TMEM232: variants seen among roughly 807,000 people sequenced by gnomAD.
TMEM232 encodes transmembrane protein 232.
Under a neutral mutation model 78.8 loss-of-function variants are expected in TMEM232, and 80 were observed. That is an observed-to-expected ratio of 1.01 (90% CI 0.85 to 1.22). TMEM232 has a LOEUF of 1.22. Ranked by LOEUF, TMEM232 falls within the 50% of genes most tolerant of loss-of-function variation. The pLI, the probability that TMEM232 is intolerant of heterozygous loss-of-function variation, is 0.00. For missense variants in TMEM232, 881 were observed against 742.2 expected (o/e 1.19, Z -2.17); for synonymous variants, 297 against 254.3 (o/e 1.17, Z -1.60).
At chr5:110,394,897 C>A (rs1262519369) in intron 3 of TMEM232, among the ~76,000 whole-genome samples, 1 of 152,138 alleles carries the variant, frequency 6.6e-6, no homozygotes, top group Non-Finnish European at 1.5e-5. Context: ...TCTTGCTCCC[C>A]TTCAAGCAGT....
intron 12 of TMEM232, among the ~76,000 whole-genome samples, chr5:110,495,093 T>C (rs186375489): frequency 6.6e-6 from 1 of 151,368 alleles, no homozygotes; most frequent in Admixed American, 6.6e-5. Flanking sequence ...ACTTCATAAC[T>C]TCATTTTATG....
intron 12 of TMEM232, among the ~76,000 whole-genome samples, chr5:110,525,418 A>T (rs1054528161): frequency 4.6e-5 from 7 of 152,152 alleles, no homozygotes; most frequent in African/African-American, 1.7e-4. Context: ...ACCTAGGAGA[A>T]GCTACATTTG....
intron 12 of TMEM232, among the ~76,000 whole-genome samples, chr5:110,494,117 A>G (rs1288046938): frequency 6.6e-6 from 1 of 152,092 alleles, no homozygotes; most frequent in African/African-American, 2.4e-5. Flanking sequence ...ATGGCTGCAT[A>G]GTATTCCATG....
Position 110,724,436 on chromosome 5 carries a change from A to G in TMEM232, c.-13+2191T>C, listed in dbSNP as rs180885746. On this transcript the variant is annotated intron_variant, in intron 1 of 13. Coordinates refer to ENST00000455884, the MANE Select transcript of TMEM232 (RefSeq NM_001039763.4). ...TAAACTGTGTATAACTTAACCTGTT[A>G]TTTTCTCATTTCAGGTCCCTAAACA... Among the ~76,000 whole-genome samples the G allele has an allele frequency of 3.9e-5, 6 of 152,320 alleles. No homozygotes were observed. The East Asian group carries it at 1.2e-3, about 29-fold the overall frequency.
At chr5:110,630,267 T>C (rs1487843338) in intron 5 of TMEM232, among the ~76,000 whole-genome samples, 1 of 152,180 alleles carries the variant, frequency 6.6e-6, no homozygotes, top group African/African-American at 2.4e-5. Context: ...CTAGAGACAC[T>C]GCATACTCAT....
chr5:110,717,325 T>A (rs1346205844), intron 1 of TMEM232, among the ~76,000 whole-genome samples: 1 of 152,122 alleles, frequency 6.6e-6, no homozygotes, highest in Non-Finnish European at 1.5e-5. Context: ...GAATCCAAGA[T>A]CTGAATGAGT....
At chr5:110,518,904 AAT>A (rs1769080447) in intron 12 of TMEM232, among the ~76,000 whole-genome samples, 2 of 152,192 alleles carry the variant, frequency 1.3e-5, no homozygotes, top group African/African-American at 4.8e-5. Flanking sequence ...TAAGCACAAA[AAT>A]ATATGAGTTA....
At chr5:110,475,043 G>A (rs1351394452) in intron 12 of TMEM232, among the ~76,000 whole-genome samples, 2 of 151,830 alleles carry the variant, frequency 1.3e-5, no homozygotes, top group African/African-American at 2.4e-5. Flanking sequence ...AAGTCCTGAA[G>A]AGCCCTAAAA....
At chr5:110,496,886 CA>C (rs1257690070) in intron 12 of TMEM232, among the ~76,000 whole-genome samples, 1 of 151,866 alleles carries the variant, frequency 6.6e-6, no homozygotes, top group Non-Finnish European at 1.5e-5. Flanking sequence ...GAGGAAGAAA[CA>C]AAATAAATCC....
At chr5:110,481,190 C>T (rs1006051978) in intron 12 of TMEM232, among the ~76,000 whole-genome samples, 1 of 152,016 alleles carries the variant, frequency 6.6e-6, no homozygotes, top group Non-Finnish European at 1.5e-5. Flanking sequence ...GTTACTTTCT[C>T]TAAACATTCA....
At chr5:110,628,745 T>C (rs1395488592) in intron 5 of TMEM232, 1 of 151,672 alleles carries the variant, frequency 6.6e-6, no homozygotes, top group Non-Finnish European at 1.5e-5. Flanking sequence ...CATGTAATGA[T>C]ATACATGTAA....
intron 2 of TMEM232, among the ~76,000 whole-genome samples, chr5:110,647,273 T>C (rs376283324): frequency 6.6e-6 from 1 of 151,914 alleles, no homozygotes; most frequent in Admixed American, 6.6e-5. Flanking sequence ...CCATCATAGT[T>C]TGTGCCAATC....
intron 1 of TMEM232, among the ~76,000 whole-genome samples, chr5:110,698,868 G>GT (rs1795114415): frequency 6.6e-6 from 1 of 152,018 alleles, no homozygotes. Flanking sequence ...TCTTTTGTCT[G>GT]TACCAACCCT....
chr5:110,488,049 C>A (rs1193466768), intron 12 of TMEM232, among the ~76,000 whole-genome samples: 1 of 151,966 alleles, frequency 6.6e-6, no homozygotes. Flanking sequence ...TTGGTCTGTT[C>A]AGGGTATCTA....
chr5:110,726,219 A>G (rs949484539), intron 1 of TMEM232, among the ~76,000 whole-genome samples: 1 of 152,158 alleles, frequency 6.6e-6, no homozygotes, highest in African/African-American at 2.4e-5. Context: ...ATAAAAATCA[A>G]AAAGGTGCAA....
At chr5:110,512,905 G>C (rs976191537) in intron 12 of TMEM232, among the ~76,000 whole-genome samples, 1 of 152,094 alleles carries the variant, frequency 6.6e-6, no homozygotes, top group African/African-American at 2.4e-5. Context: ...TTTAATACCT[G>C]TGTTATTTTT....
At chr5:110,521,492 C>T (rs1323615028) in intron 12 of TMEM232, among the ~76,000 whole-genome samples, 2 of 151,970 alleles carry the variant, frequency 1.3e-5, no homozygotes, top group African/African-American at 4.8e-5. Context: ...TTTTTGTCAC[C>T]CGGAGTTTTG....
At chr5:110,562,803 T>C (rs1162879450) in intron 11 of TMEM232, among the ~76,000 whole-genome samples, 2 of 152,010 alleles carry the variant, frequency 1.3e-5, no homozygotes, top group African/African-American at 4.8e-5. Flanking sequence ...GTACTTTATA[T>C]ATCTGTAGTG....
intron 7 of TMEM232, among the ~76,000 whole-genome samples, chr5:110,621,937 G>A (rs187518663): frequency 1.1e-4 from 16 of 152,264 alleles, no homozygotes; most frequent in Admixed American, 5.2e-4. Flanking sequence ...GCAAATTTAA[G>A]TACATAAATT....
Sources: gnomAD v4.1 joint callset for allele counts (sites outside exome capture counted in the v4.1 genomes callset) on GRCh38, gnomAD v4.1.1 for gene constraint, MANE v1.5 for transcripts, NCBI Gene and HGNC (gene_info 2026-07-23, HGNC 2026-07-21) for gene names.